The following RELB variants were observed in gnomAD, a reference collection of about 807,000 sequenced individuals.
RELB encodes the protein transcription factor RelB.
A neutral mutation model predicts 55.4 loss-of-function variants in RELB; 14 were observed. That is an observed-to-expected ratio of 0.25 (90% CI 0.17 to 0.40). The LOEUF (loss-of-function observed/expected upper bound fraction) is 0.40. RELB is among the 10% of genes least tolerant of loss of function. The pLI, the probability that RELB is intolerant of heterozygous loss-of-function variation, is 1.00. For missense variants in RELB, 669 were observed against 830.7 expected (o/e 0.81, Z 2.39); for synonymous variants, 409 against 371.3 (o/e 1.10, Z -1.17).
intron 5 of RELB, 114 bp from the exon 6 acceptor site, chr19:45,025,215 G>A: frequency 1.4e-6 from 1 of 727,304 alleles, no homozygotes; most frequent in Admixed American, 2.3e-5. Context: ...GGCCTGGGAT[G>A]TCAGCCCCTG....
At chr19:45,003,906 GTTTTTTGTGT>G (rs1274780351) in intron 2 of RELB, among the ~76,000 whole-genome samples, 41 of 62,534 alleles carry the variant, frequency 6.6e-4, no homozygotes, top group African/African-American at 2.1e-3. Context: ...TTTTTTGTCT[GTTTTTTGTGT>G]TTTTTTTTTT....
intron 5 of RELB, among the ~76,000 whole-genome samples, chr19:45,024,132 C>T (rs914670514): frequency 6.6e-6 from 1 of 151,884 alleles, no homozygotes; most frequent in African/African-American, 2.4e-5. Flanking sequence ...TGAGCCACCG[C>T]ACCTGGCCCT....
intron 7 of RELB, among the ~76,000 whole-genome samples, chr19:45,027,223 A>T (rs1600078996): frequency 8.7e-6 from 1 of 114,716 alleles, no homozygotes; most frequent in South Asian, 3.4e-4. Flanking sequence ...ACAGAGCGAG[A>T]CTCCTTCTCA....
In RELB at chr19:45,034,159, A is replaced by AAAATAAAT. The variant is rs36092616; in HGVS notation, c.1208-65_1208-58dup. On this transcript the variant is annotated intron_variant, in intron 9 of 11. Coordinates refer to ENST00000221452, the MANE Select transcript of RELB (RefSeq NM_006509.4). ...GGTCAACAGAGCAAGACTGTCTCTA[A>AAAATAAAT]AAATAAATAAATAAATAAATAAATA... 7,879 of 929,742 alleles carry AAAATAAAT rather than the reference A, an allele frequency of 8.5e-3. 48 individuals are homozygous for AAAATAAAT. The highest frequency in any genetic ancestry group is 0.011 in the Middle Eastern group (33 of 2,886). The allele number at this position is 929,742 out of a possible 1,614,324, so 57.6% of individuals were successfully genotyped here. A position where few individuals can be genotyped will look rare whatever the true frequency, so the allele number is the denominator to read the frequency against.
At chr19:45,011,756 CTGTGTGTGTGTGTGTG>C (rs199579874) in intron 3 of RELB, among the ~76,000 whole-genome samples, 164 bp from the exon 4 acceptor site, 4 of 59,898 alleles carry the variant, frequency 6.7e-5, no homozygotes, top group Non-Finnish European at 1.3e-4. Context: ...CTCCCTGACT[CTGTGTGTGTGTGTGTG>C]TGTGTGTGTG....
intron 9 of RELB, among the ~76,000 whole-genome samples, 174 bp downstream of exon 9, chr19:45,032,923 A>G (rs1256851783): frequency 6.6e-6 from 1 of 152,106 alleles, no homozygotes; most frequent in East Asian, 1.9e-4. Context: ...GGCCTCTCTG[A>G]GCCTCATTCT....
intron 5 of RELB, among the ~76,000 whole-genome samples, chr19:45,023,939 CGG>C (rs1434747125): frequency 3.7e-5 from 5 of 134,586 alleles, no homozygotes; most frequent in Admixed American, 1.6e-4. Context: ...TTAGTAGAGA[CGG>C]GGTTTCACCA....
chr19:45,032,288 A>G (rs1393305630), intron 8 of RELB: 7 of 422,110 alleles, frequency 1.7e-5, no homozygotes, highest in Admixed American at 3.5e-5. Context: ...GCGTGGTGGC[A>G]TATGCCTGTA....
At position 45,006,446 on chromosome 19, in the gene RELB, C is replaced by G. The variant is rs535717868; in HGVS notation, c.155-3368C>G. Among the ~76,000 whole-genome samples, 25 of 151,860 alleles carry G rather than the reference C, an allele frequency of 1.6e-4. No homozygotes were observed. In the South Asian group the frequency reaches 5.0e-3, roughly 30 times the overall value. ...CTCAAAATCCTGACCTCCACTGATC[C>G]AGCCACCTCGGCCTCTCAAAGTGCT... On this transcript the variant is annotated intron_variant, in intron 2 of 11. Transcript: ENST00000221452.
chr19:45,011,335 TGTATTTTTAG>T (rs1239252728), intron 3 of RELB, among the ~76,000 whole-genome samples: 4 of 151,324 alleles, frequency 2.6e-5, no homozygotes, highest in African/African-American at 9.7e-5. Flanking sequence ...GCTAATTTTT[TGTATTTTTAG>T]TAGAGACAGG....
chr19:45,004,975 C>T (rs1971265159), intron 2 of RELB, among the ~76,000 whole-genome samples: 1 of 152,004 alleles, frequency 6.6e-6, no homozygotes, highest in African/African-American at 2.4e-5. Context: ...CAAGACCAGC[C>T]TGGCCAATAT....
intron 4 of RELB, among the ~76,000 whole-genome samples, chr19:45,018,805 T>C (rs1355835544): frequency 6.6e-6 from 1 of 151,362 alleles, no homozygotes; most frequent in African/African-American, 2.4e-5. Flanking sequence ...GCCTCCCGAG[T>C]AGCTGGGATT....
chr19:45,017,515 T>G (rs1333209743), intron 4 of RELB, among the ~76,000 whole-genome samples: 2 of 151,522 alleles, frequency 1.3e-5, no homozygotes, highest in Admixed American at 6.6e-5. Flanking sequence ...AATTGTGGGC[T>G]CCAAGTTTTT....
At position 45,003,038 on chromosome 19, in the gene RELB, G is replaced by A. The variant is rs756994327; in HGVS notation, c.154+42G>A. ...AGTTCCTGCCCACTCGCTCATGCAG[G>A]ATGAGGTTGGGAGGACTCCACAGAG... On this transcript the variant is annotated intron_variant, in intron 2 of 11. Coordinates refer to ENST00000221452, the MANE Select transcript of RELB (RefSeq NM_006509.4). The A allele has an allele frequency of 3.0e-5, 48 of 1,590,880 alleles. No individual in the cohort carries two copies. The East Asian group carries it at 8.4e-4, about 28-fold the overall frequency.
At chr19:45,032,187 G>A (rs1859886722) in intron 8 of RELB, among the ~76,000 whole-genome samples, 1 of 151,882 alleles carries the variant, frequency 6.6e-6, no homozygotes, top group South Asian at 2.1e-4. Context: ...AGTGAGCCGA[G>A]ATCATGCCAC....
Position 45,017,246 on chromosome 19 carries a change from T to G in RELB, c.505-4807T>G, listed in dbSNP as rs575817847. On this transcript the variant is annotated intron_variant, in intron 4 of 11. Transcript: ENST00000221452. ...CAAAGCTGCCAAGTGGGACTGGCCCTGCCTAACGGGGCTGGTTTTTATTTG... is the reference window on the plus strand; with the variant it reads ...CAAAGCTGCCAAGTGGGACTGGCCCGGCCTAACGGGGCTGGTTTTTATTTG... Among the ~76,000 whole-genome samples the G allele has an allele frequency of 5.9e-5, 9 of 152,288 alleles. No homozygotes were observed. The East Asian group carries it at 1.7e-3, about 29-fold the overall frequency.
At chr19:45,020,594 G>A (rs1446850708) in intron 4 of RELB, among the ~76,000 whole-genome samples, 1 of 119,808 alleles carries the variant, frequency 8.3e-6, no homozygotes, top group African/African-American at 3.4e-5. Context: ...GTCTCGCTCT[G>A]TCGCCCAGGC....
intron 11 of RELB, 98 bp from the exon 12 acceptor site, chr19:45,037,307 T>G: frequency 2.9e-4 from 366 of 1,271,092 alleles, no homozygotes; most frequent in Non-Finnish European, 3.4e-4. Flanking sequence ...AAGGCCACCT[T>G]GATATCACAT....
rs34437922 is a variant in RELB, at chr19:45,013,959, T to C, written c.504+1683T>C. ...AGCAGTGATGCTGTGGCCTTCTCAG[T>C]GTCTCACATCAAGGGACGTGGGATG... On this transcript the variant is annotated intron_variant, in intron 4 of 11. Coordinates refer to ENST00000221452, the MANE Select transcript of RELB (RefSeq NM_006509.4). Among the ~76,000 whole-genome samples, 1,091 of 152,326 alleles carry C rather than the reference T, an allele frequency of 7.2e-3. 15 individuals carry two copies. The highest frequency in any genetic ancestry group is 0.025 in the African/African-American group (1,031 of 41,574).
Sources: gnomAD v4.1 joint callset for allele counts (sites outside exome capture counted in the v4.1 genomes callset) on GRCh38, gnomAD v4.1.1 for gene constraint, MANE v1.5 for transcripts, NCBI Gene and HGNC (gene_info 2026-07-23, HGNC 2026-07-21) for gene names.